RB1: variants seen among roughly 807,000 people sequenced by gnomAD.
The protein encoded by RB1 is RB transcriptional corepressor 1, also known as retinoblastoma-associated protein.
A neutral mutation model predicts 135.4 loss-of-function variants in RB1; 18 were observed. The ratio of observed to expected loss-of-function variants is 0.13; its 90% CI spans 0.09 to 0.20. RB1 has a LOEUF of 0.20. RB1 is among the 10% of genes least tolerant of loss of function. The pLI is 1.00. For missense variants in RB1, 868 were observed against 1,110.0 expected, an observed-to-expected ratio of 0.78 and a Z score of 3.10; for synonymous variants, 365 against 373.2, an observed-to-expected ratio of 0.98 and a Z score of 0.25.
At chr13:48,317,231 C>G in intron 2 of RB1, 7 of 417,650 alleles carry the variant, frequency 1.7e-5, no homozygotes, top group Non-Finnish European at 2.9e-5. Flanking sequence ...CTGGGAGACA[C>G]CCTTTCCAAA....
intron 26 of RB1, among the ~76,000 whole-genome samples, chr13:48,478,527 G>A (rs1949517671): frequency 6.6e-6 from 1 of 152,158 alleles, no homozygotes; most frequent in South Asian, 2.1e-4. Context: ...ACTTAAAAAG[G>A]AGCTGAAAGC....
chr13:48,318,712 T>C (rs1952208190), intron 2 of RB1: 2 of 630,262 alleles, frequency 3.2e-6, no homozygotes, highest in Admixed American at 4.8e-5. Flanking sequence ...CGTTTCCTTT[T>C]GCAGCTCAGC....
intron 17 of RB1, among the ~76,000 whole-genome samples, chr13:48,407,276 G>A (rs781227138): frequency 1.3e-5 from 2 of 152,146 alleles, no homozygotes; most frequent in African/African-American, 2.4e-5. Context: ...TTTGAATTCT[G>A]TTTTTAACAC....
intron 2 of RB1, among the ~76,000 whole-genome samples, chr13:48,326,378 T>C (rs1952287569): frequency 6.6e-6 from 1 of 152,124 alleles, no homozygotes; most frequent in South Asian, 2.1e-4. Context: ...TTGTTTGTTT[T>C]TGAGTTTGAC....
Position 48,362,921 on chromosome 13 carries a change from A to C in RB1, c.825A>C (p.Glu275Asp). Residue 275 changes from glutamate to aspartate, a missense_variant, in exon 8 of 27, where the codon GAA (glutamate) becomes GAC (aspartate). Physicochemically the swap from Glu to Asp is conservative, Grantham distance 45. Transcript: ENST00000267163. The part of the protein sequence containing the change: ...KQLENDTRII[E>D]VLCKEHECNI... ...TAGAAAATGATACAAGAATTATTGA[A>C]GTTCTCTGTAAAGAACATGAATGTA... 3 of 1,613,828 alleles carry C rather than the reference A, an allele frequency of 1.9e-6. No individual in the cohort carries two copies. The highest frequency in any genetic ancestry group is 2.5e-6 in the Non-Finnish European group (3 of 1,179,812).
intron 17 of RB1, among the ~76,000 whole-genome samples, chr13:48,433,264 C>A (rs1949148478): frequency 6.6e-6 from 1 of 150,872 alleles, no homozygotes; most frequent in Non-Finnish European, 1.5e-5. Context: ...TATGAGTATA[C>A]CTGGGTAAAT....
intron 17 of RB1, among the ~76,000 whole-genome samples, chr13:48,402,110 G>A (rs868340376): frequency 1.3e-5 from 2 of 152,098 alleles, no homozygotes; most frequent in Middle Eastern, 6.8e-3. Flanking sequence ...TTTTACATGA[G>A]TCATAAACAA....
chr13:48,379,035 G>A (rs1948508020), intron 13 of RB1, among the ~76,000 whole-genome samples: 1 of 152,134 alleles, frequency 6.6e-6, no homozygotes, highest in South Asian at 2.1e-4. Flanking sequence ...AGTTTGATCT[G>A]ATTTTTGCCT....
intron 11 of RB1, among the ~76,000 whole-genome samples, chr13:48,371,141 C>T (rs1359528020): frequency 6.6e-6 from 1 of 152,148 alleles, no homozygotes; most frequent in South Asian, 2.1e-4. Context: ...CCTTATATGC[C>T]ATACTCACAA....
At chr13:48,331,535 C>T (rs963571886) in intron 2 of RB1, among the ~76,000 whole-genome samples, 1 of 152,074 alleles carries the variant, frequency 6.6e-6, no homozygotes, top group African/African-American at 2.4e-5. Flanking sequence ...CATGCGATAC[C>T]CTGCACCACC....
At chr13:48,438,995 A>G (rs904577522) in intron 17 of RB1, among the ~76,000 whole-genome samples, 1 of 152,202 alleles carries the variant, frequency 6.6e-6, no homozygotes, top group Admixed American at 6.5e-5. Flanking sequence ...AATTGTGGCC[A>G]GTGGAACTAA....
intron 23 of RB1, among the ~76,000 whole-genome samples, chr13:48,471,573 T>TAAAAAAAAAAAAA (rs1555294964): frequency 1.5e-5 from 2 of 133,962 alleles, no homozygotes; most frequent in East Asian, 4.4e-4. Flanking sequence ...AAAATATAAA[T>TAAAAAAAAAAAAA]AAAAAAAAAA....
At chr13:48,465,462 A>C (rs1026788467) in intron 23 of RB1, 94 bp downstream of exon 23, 2 of 1,251,176 alleles carry the variant, frequency 1.6e-6, no homozygotes, top group African/African-American at 3.0e-5. Flanking sequence ...CATTTCAAAT[A>C]AGCTAGACTC....
intron 17 of RB1, among the ~76,000 whole-genome samples, chr13:48,402,877 G>A (rs1258824615): frequency 6.6e-6 from 1 of 151,962 alleles, no homozygotes; most frequent in Non-Finnish European, 1.5e-5. Context: ...TTACCTATAT[G>A]ACATATAAAT....
intron 13 of RB1, among the ~76,000 whole-genome samples, chr13:48,379,308 A>G (rs1447145818): frequency 1.3e-5 from 2 of 152,158 alleles, no homozygotes. Context: ...AGTTTTAGAC[A>G]AGCTAGCTTT....
intron 17 of RB1, among the ~76,000 whole-genome samples, chr13:48,450,144 T>G (rs1314671903): frequency 6.6e-6 from 1 of 151,948 alleles, no homozygotes; most frequent in Non-Finnish European, 1.5e-5. Context: ...TAGATCCCAC[T>G]GTCAATTTCT....
chr13:48,319,225 T>C lies in RB1; in HGVS notation c.264+11819T>C. On this transcript the variant is annotated intron_variant, in intron 2 of 26. Transcript: ENST00000267163. This position sits in a 1 kb window ranked among gnomAD's most constrained non-coding sequence, Gnocchi z 5.0. The stretch of plus-strand genomic sequence containing the variant: ...GCCACTGGCTTCCTCTAGCTGGGTG[T>C]TTTCCTGTGGGTCTCGCGCAAGGCA... 1.3e-6 allele frequency: 1 copy of C among 794,512 alleles called. No homozygotes were observed. Among genetic ancestry groups the C allele is most frequent in the Non-Finnish European group, 1.9e-6 (1 of 527,070 alleles). The allele number at this position is 794,512 out of a possible 1,614,324, so 49.2% of individuals were successfully genotyped here.
intron 2 of RB1, among the ~76,000 whole-genome samples, chr13:48,331,789 C>T (rs935076308): frequency 6.6e-6 from 1 of 152,188 alleles, no homozygotes; most frequent in African/African-American, 2.4e-5. Context: ...GAGATACATA[C>T]ACTCCCATGT....
At chr13:48,339,891 C>A (rs573451139) in intron 2 of RB1, among the ~76,000 whole-genome samples, 8 of 152,094 alleles carry the variant, frequency 5.3e-5, no homozygotes, top group Non-Finnish European at 1.2e-4. Flanking sequence ...TCAAACTCAA[C>A]TAAAATGAAC....
Sources: allele counts gnomAD v4.1 joint callset (sites outside exome capture counted in the v4.1 genomes callset), GRCh38; gene constraint gnomAD v4.1.1; non-coding constraint Gnocchi (gnomAD v3.1); transcripts MANE v1.5; gene names NCBI Gene and HGNC (gene_info 2026-07-23, HGNC 2026-07-21).